USP32: variants seen among roughly 807,000 people sequenced by gnomAD.
USP32 encodes the protein ubiquitin carboxyl-terminal hydrolase 32.
A neutral mutation model predicts 204.8 loss-of-function variants in USP32; 59 were observed. The ratio of observed to expected loss-of-function variants is 0.29; its 90% CI spans 0.23 to 0.36. USP32 has a LOEUF of 0.36. Ranked by LOEUF, USP32 falls within the 10% of genes least tolerant of loss-of-function variation. The pLI, the probability that USP32 is intolerant of heterozygous loss-of-function variation, is 1.00. For missense variants in USP32, 1,160 were observed against 1,946.4 expected (o/e 0.60, Z 7.60); for synonymous variants, 517 against 678.4 (o/e 0.76, Z 3.70).
intron 1 of USP32, among the ~76,000 whole-genome samples, chr17:60,389,724 A>G (rs951305387): frequency 6.6e-6 from 1 of 151,814 alleles, no homozygotes; most frequent in African/African-American, 2.4e-5. Flanking sequence ...GGTAAAACAT[A>G]AATTCATGCC....
At chr17:60,225,419 T>C (rs891292424) in intron 13 of USP32, among the ~76,000 whole-genome samples, 1 of 152,170 alleles carries the variant, frequency 6.6e-6, no homozygotes, top group African/African-American at 2.4e-5. Context: ...ATTATGCCAC[T>C]GTACTCCAGC....
chr17:60,354,177 C>T (rs1287204730), intron 1 of USP32, among the ~76,000 whole-genome samples: 2 of 152,122 alleles, frequency 1.3e-5, no homozygotes, highest in East Asian at 3.9e-4. Context: ...TGTTCTATTC[C>T]CCTATTATAT....
chr17:60,414,312 G>A (rs1598324725), intron 1 of USP32, among the ~76,000 whole-genome samples: 1 of 150,994 alleles, frequency 6.6e-6, no homozygotes, highest in African/African-American at 2.4e-5. Flanking sequence ...GCAGTGAGCT[G>A]AGATCATGCC....
chr17:60,240,503 A>C (rs1567794998), intron 11 of USP32, among the ~76,000 whole-genome samples: 3 of 152,036 alleles, frequency 2.0e-5, no homozygotes, highest in Admixed American at 6.6e-5. Flanking sequence ...GGAGAGAGAG[A>C]GAGAGAGAGA....
intron 11 of USP32, among the ~76,000 whole-genome samples, chr17:60,244,673 C>G (rs1235512529): frequency 6.6e-6 from 1 of 152,090 alleles, no homozygotes; most frequent in African/African-American, 2.4e-5. Flanking sequence ...GCTCTGTCGC[C>G]CAGGCTGGAG....
intron 5 of USP32, among the ~76,000 whole-genome samples, chr17:60,273,961 CAAAAAAAAAA>C (rs35639109): frequency 2.4e-5 from 1 of 42,326 alleles, no homozygotes; most frequent in Non-Finnish European, 5.1e-5. Context: ...GACTCAGTCT[CAAAAAAAAAA>C]AAAAAAAAAA....
chr17:60,231,761 C>T (rs932333548), intron 12 of USP32: 3 of 307,094 alleles, frequency 9.8e-6, no homozygotes, highest in African/African-American at 4.3e-5. Context: ...GGAAGATACA[C>T]ATTATGTAAT....
At chr17:60,336,498 G>A (rs947620078) in intron 2 of USP32, among the ~76,000 whole-genome samples, 1 of 141,050 alleles carries the variant, frequency 7.1e-6, no homozygotes, top group East Asian at 2.0e-4. Flanking sequence ...GGCGGATCAC[G>A]AGGTCAAGAG....
At chr17:60,305,024 A>C (rs946102575) in intron 2 of USP32, 2 of 152,246 alleles carry the variant, frequency 1.3e-5, no homozygotes, top group African/African-American at 4.8e-5. Context: ...TCAATGAAGC[A>C]GCAGAGTCAG....
chr17:60,324,606 T>C (rs1474735205), intron 2 of USP32, among the ~76,000 whole-genome samples: 3 of 152,332 alleles, frequency 2.0e-5, no homozygotes, highest in African/African-American at 4.8e-5. Context: ...TTTCAATGCA[T>C]TGATACCTTA....
intron 29 of USP32, among the ~76,000 whole-genome samples, chr17:60,190,127 C>T (rs945119160): frequency 1.3e-5 from 2 of 152,068 alleles, no homozygotes; most frequent in Non-Finnish European, 2.9e-5. Context: ...TCCAAGAGAG[C>T]GGGCTGTTAG....
intron 13 of USP32, among the ~76,000 whole-genome samples, chr17:60,224,511 G>A (rs2085333919): frequency 6.6e-6 from 1 of 152,202 alleles, no homozygotes; most frequent in African/African-American, 2.4e-5. Flanking sequence ...CACGCCAGGA[G>A]GAATGGCTCA....
intron 2 of USP32, among the ~76,000 whole-genome samples, chr17:60,303,837 A>C (rs951016756): frequency 2.6e-5 from 4 of 152,194 alleles, no homozygotes; most frequent in African/African-American, 7.2e-5. Context: ...GAGTTGCATA[A>C]GAGATTATCC....
chr17:60,186,909 G>C (rs1387106841), intron 29 of USP32, among the ~76,000 whole-genome samples: 2 of 152,114 alleles, frequency 1.3e-5, no homozygotes, highest in South Asian at 2.1e-4. Context: ...GGGAAGGTGG[G>C]TGAAGCATCA....
At chr17:60,400,793 G>T (rs2089929164) in intron 1 of USP32, among the ~76,000 whole-genome samples, 1 of 152,122 alleles carries the variant, frequency 6.6e-6, no homozygotes, top group African/African-American at 2.4e-5. Flanking sequence ...TGCTGAGTCG[G>T]GGGGATCACT....
intron 1 of USP32, among the ~76,000 whole-genome samples, chr17:60,419,140 T>A (rs1043248729): frequency 1.3e-5 from 2 of 152,134 alleles, no homozygotes; most frequent in African/African-American, 4.8e-5. Context: ...GTAGACTGAA[T>A]AAAGAAAATG....
chr17:60,252,456 T>A lies in USP32; in HGVS notation c.1075-14A>T. ...TATGTGACACACCTAGGGAAAAAAA[T>A]GGTAAATCAAAGTTTATTAACTGCA... On this transcript the variant is annotated splice_polypyrimidine_tract_variant and intron_variant, in intron 10 of 33. Transcript: ENST00000300896. 6.2e-7 allele frequency: 1 copy of A among 1,601,012 alleles called. No individual in the cohort carries two copies. Among genetic ancestry groups the A allele is most frequent in the Non-Finnish European group, 8.5e-7 (1 of 1,173,598 alleles).
At chr17:60,368,447 T>C (rs2089361505) in intron 1 of USP32, among the ~76,000 whole-genome samples, 1 of 152,024 alleles carries the variant, frequency 6.6e-6, no homozygotes, top group Non-Finnish European at 1.5e-5. Flanking sequence ...AGAGCTTCTC[T>C]ACTAGAGGAA....
At chr17:60,392,438 G>T (rs1217110244), upstream of USP32, 1 of 235,112 alleles carries the variant, frequency 4.3e-6, no homozygotes, top group East Asian at 1.7e-4. Flanking sequence ...GGGCGCCTCC[G>T]CTGGCGACGG....
Sources: gnomAD v4.1 joint callset for allele counts (sites outside exome capture counted in the v4.1 genomes callset) on GRCh38, gnomAD v4.1.1 for gene constraint, MANE v1.5 for transcripts, NCBI Gene and HGNC (gene_info 2026-07-23, HGNC 2026-07-21) for gene names.